The following RBFOX1 variants were observed in gnomAD, a reference collection of about 807,000 sequenced individuals.
RBFOX1 encodes RNA binding protein fox-1 homolog 1.
Under a neutral mutation model 57.7 loss-of-function variants are expected in RBFOX1, and 8 were observed. The ratio of observed to expected loss-of-function variants is 0.14; its 90% CI spans 0.08 to 0.25. The LOEUF is 0.25. RBFOX1 is among the 10% of genes least tolerant of loss of function. The pLI is 1.00. For synonymous variants in RBFOX1, 326 were observed against 222.4 expected, an observed-to-expected ratio of 1.47 and a Z score of -4.15; for missense variants, 611 against 548.5, an observed-to-expected ratio of 1.11 and a Z score of -1.14.
chr16:5,840,606 A>G (rs1330043746), intron 3 of RBFOX1, among the ~76,000 whole-genome samples: 3 of 152,190 alleles, frequency 2.0e-5, no homozygotes, highest in African/African-American at 7.2e-5. Flanking sequence ...AGTTGCTGGG[A>G]TGAGAGTATG....
intron 4 of RBFOX1, among the ~76,000 whole-genome samples, chr16:7,250,905 G>A (rs895295386): frequency 6.6e-6 from 1 of 152,016 alleles, no homozygotes; most frequent in African/African-American, 2.4e-5. Flanking sequence ...TGACAAAGAT[G>A]GTATACATTT....
chr16:6,869,260 A>C (rs768094201), intron 3 of RBFOX1, among the ~76,000 whole-genome samples: 3 of 152,138 alleles, frequency 2.0e-5, no homozygotes, highest in Non-Finnish European at 4.4e-5. Context: ...CTTGGTGTCA[A>C]TATGTTTCTC....
intron 1 of RBFOX1, among the ~76,000 whole-genome samples, chr16:6,045,256 T>A (rs2095483247): frequency 6.6e-6 from 1 of 152,142 alleles, no homozygotes; most frequent in African/African-American, 2.4e-5. Context: ...GGAACACACA[T>A]TGAGTAGTAA....
chr16:7,111,648 G>T (rs527313410), intron 4 of RBFOX1, among the ~76,000 whole-genome samples: 3 of 152,228 alleles, frequency 2.0e-5, no homozygotes, highest in Non-Finnish European at 4.4e-5. Context: ...TATTTGCTAG[G>T]ATTGAAATGG....
intron 3 of RBFOX1, among the ~76,000 whole-genome samples, chr16:6,710,577 CG>C (rs2063543703): frequency 6.6e-6 from 1 of 152,184 alleles, no homozygotes; most frequent in Admixed American, 6.5e-5. Context: ...GATCCGTTAC[CG>C]GAATAGTACC....
At chr16:5,598,871 C>T in intron 2 of RBFOX1, 9 of 1,465,996 alleles carry the variant, frequency 6.1e-6, no homozygotes, top group Non-Finnish European at 8.1e-6. Flanking sequence ...GCTTCCCCAA[C>T]CTTTTTCTCT....
At chr16:7,121,164 A>G (rs911306523) in intron 4 of RBFOX1, among the ~76,000 whole-genome samples, 3 of 152,070 alleles carry the variant, frequency 2.0e-5, no homozygotes, top group African/African-American at 7.2e-5. Flanking sequence ...TATCATACTT[A>G]TTGGTGAAAA....
At chr16:5,665,256 C>T (rs1041218986) in intron 3 of RBFOX1, among the ~76,000 whole-genome samples, 4 of 152,064 alleles carry the variant, frequency 2.6e-5, no homozygotes, top group African/African-American at 9.7e-5. Context: ...TGGCCAACCT[C>T]TTTTCTGTCT....
At chr16:6,713,741 C>T (rs1261028705) in intron 3 of RBFOX1, among the ~76,000 whole-genome samples, 1 of 152,148 alleles carries the variant, frequency 6.6e-6, no homozygotes, top group East Asian at 1.9e-4. Flanking sequence ...CATCTACCTC[C>T]TTAGTTATGG....
In RBFOX1 at chr16:7,045,421, A is replaced by C. The variant is rs546918136; in HGVS notation, c.-15-6636A>C. Among the ~76,000 whole-genome samples the C allele has an allele frequency of 4.3e-4, 65 of 152,214 alleles. 1 individual carries two copies. In the South Asian group the frequency reaches 0.012, roughly 29 times the overall value. On this transcript the variant is annotated intron_variant, in intron 3 of 15. Transcript: ENST00000550418. ...ATCCTTTTTCTTATTCCCAAATCTCATTTTCCTTATTTGGCTTCATTTGAA... is the reference window on the plus strand; with the variant it reads ...ATCCTTTTTCTTATTCCCAAATCTCCTTTTCCTTATTTGGCTTCATTTGAA...
intron 4 of RBFOX1, among the ~76,000 whole-genome samples, chr16:7,472,060 T>C (rs555468633): frequency 6.6e-6 from 1 of 152,226 alleles, no homozygotes; most frequent in African/African-American, 2.4e-5. Flanking sequence ...TTAGCTGCTA[T>C]GCCTGGCATC....
At chr16:5,294,121 C>G (rs149792577) in intron 1 of RBFOX1, among the ~76,000 whole-genome samples, 1 of 151,970 alleles carries the variant, frequency 6.6e-6, no homozygotes, top group Non-Finnish European at 1.5e-5. Flanking sequence ...CCCAGCTACT[C>G]GGGAGGCTGA....
At chr16:5,949,951 C>T (rs1433458227) in intron 4 of RBFOX1, among the ~76,000 whole-genome samples, 2 of 152,300 alleles carry the variant, frequency 1.3e-5, no homozygotes, top group East Asian at 3.9e-4. Context: ...AGATGAGATT[C>T]AGTTAGATAA....
At chr16:7,200,445 C>T (rs1219135966) in intron 4 of RBFOX1, among the ~76,000 whole-genome samples, 6 of 152,212 alleles carry the variant, frequency 3.9e-5, no homozygotes, top group African/African-American at 1.4e-4. Context: ...ATGTTTATTG[C>T]ACCTCTATTT....
chr16:6,136,370 G>C (rs542813204), intron 1 of RBFOX1, among the ~76,000 whole-genome samples: 1 of 152,034 alleles, frequency 6.6e-6, no homozygotes, highest in African/African-American at 2.4e-5. Context: ...TTCCAGATAC[G>C]TGTGAGCCAT....
At chr16:5,336,626 G>C (rs1226861439) in intron 1 of RBFOX1, among the ~76,000 whole-genome samples, 2 of 152,280 alleles carry the variant, frequency 1.3e-5, no homozygotes, top group East Asian at 3.9e-4. Context: ...TCTGAAGCAG[G>C]GTGTGCTTGG....
intron 2 of RBFOX1, among the ~76,000 whole-genome samples, chr16:6,449,875 C>G (rs576568323): frequency 1.8e-4 from 27 of 152,252 alleles, no homozygotes; most frequent in African/African-American, 5.1e-4. Flanking sequence ...AGGCAGTATT[C>G]AGGAAGATTT....
chr16:5,387,961 G>A lies in RBFOX1; in HGVS notation c.220-79255G>A, dbSNP rs188015596. Among the ~76,000 whole-genome samples the A allele has an allele frequency of 7.3e-3, 1,106 of 152,314 alleles. 7 individuals are homozygous for A. Among genetic ancestry groups the A allele is most frequent in the Admixed American group, 0.017 (264 of 15,294 alleles). On this transcript the variant is annotated intron_variant, in intron 1 of 2. Coordinates refer to the RBFOX1 transcript ENST00000585867. ...CCGTGGTCTACTTTTGGCTTTGAAG[G>A]TGGAGGAGGGGACCACAAGCCAAGG...
chr16:7,578,111 T>C (rs2093474819), intron 5 of RBFOX1, among the ~76,000 whole-genome samples: 1 of 152,220 alleles, frequency 6.6e-6, no homozygotes, highest in Non-Finnish European at 1.5e-5. Context: ...TATTTCTCTT[T>C]TTGGTATTTA....
Sources: gnomAD v4.1 joint callset for allele counts (sites outside exome capture counted in the v4.1 genomes callset) on GRCh38, gnomAD v4.1.1 for gene constraint, MANE v1.5 for transcripts, NCBI Gene and HGNC (gene_info 2026-07-23, HGNC 2026-07-21) for gene names.